Variants in CYLC2 observed in about 807,000 individuals in gnomAD.
The protein encoded by CYLC2 is cylicin 2.
A neutral mutation model predicts 26.1 loss-of-function variants in CYLC2; 30 were observed. The ratio of observed to expected loss-of-function variants is 1.15; its 90% confidence interval spans 0.86 to 1.56. The LOEUF is 1.56. CYLC2 is among the 40% of genes most tolerant of loss of function. CYLC2 has a pLI of 0.00. For synonymous variants in CYLC2, 158 were observed against 132.8 expected (o/e 1.19, Z -1.31); for missense variants, 498 against 394.4 (o/e 1.26, Z -2.23).
intron 6 of CYLC2, among the ~76,000 whole-genome samples, chr9:103,013,930 T>TGATATTATACATTATATATGATAG (rs1829453289): frequency 8.7e-6 from 1 of 115,344 alleles, no homozygotes; most frequent in Non-Finnish European, 1.6e-5. Context: ...ATATATCATA[T>TGATATTATACATTATATATGATAG]CTATTATTTA....
At chr9:103,001,472 A>T (rs1392217885) in intron 1 of CYLC2, 106 bp from the exon 2 acceptor site, 16 of 677,150 alleles carry the variant, frequency 2.4e-5, no homozygotes, top group African/African-American at 5.5e-5. Context: ...GAGATTGTGA[A>T]ATATTTCTCT....
chr9:102,997,545 C>A (rs995223086), intron 1 of CYLC2, among the ~76,000 whole-genome samples: 31 of 151,900 alleles, frequency 2.0e-4, no homozygotes, highest in Admixed American at 1.2e-3. Context: ...GAAGCTCAGG[C>A]TGCAGTCAGT....
chr9:103,005,825 G>A lies in CYLC2; in HGVS notation c.*147G>A, dbSNP rs570803926. Reference sequence around the variant, plus strand: ...AAAGGTGGTAAAGAAGGATACAAAGGAGAACTCAGCAGAGATTTATAAAAA... The same window carrying A: ...AAAGGTGGTAAAGAAGGATACAAAGAAGAACTCAGCAGAGATTTATAAAAA... On this transcript the variant is annotated 3_prime_UTR_variant, in exon 5 of 8. Coordinates refer to ENST00000374798, the MANE Select transcript of CYLC2 (RefSeq NM_001340.5). The A allele has an allele frequency of 5.5e-4, 475 of 864,956 alleles. 1 individual carries two copies. Among genetic ancestry groups the A allele is most frequent in the Non-Finnish European group, 7.9e-4 (440 of 559,332 alleles). The allele number at this position is 864,956 out of a possible 1,614,324, so 53.6% of individuals were successfully genotyped here. A position where few individuals can be genotyped will look rare whatever the true frequency, so the allele number is the denominator to read the frequency against.
intron 3 of CYLC2, 22 bp downstream of exon 3, chr9:103,003,285 T>C (rs1829307482): frequency 1.3e-6 from 2 of 1,583,154 alleles, no homozygotes; most frequent in African/African-American, 1.4e-5. Flanking sequence ...AAAGATTTTA[T>C]AATTATCAGT....
At position 103,015,393 on chromosome 9, in the gene CYLC2, A is replaced by AT. The variant is rs1554713901; in HGVS notation, c.*817-1494dup. On this transcript the variant is annotated intron_variant, in intron 6 of 7. Coordinates refer to ENST00000374798, the MANE Select transcript of CYLC2 (RefSeq NM_001340.5). ...ATAATGTAATATATATTAAATATAT[A>AT]TATATGCTTATTATATATTATATAT... Among the ~76,000 whole-genome samples, 752 of 128,554 alleles carry AT rather than the reference A, an allele frequency of 5.8e-3. 10 individuals are homozygous for AT. The highest frequency in any genetic ancestry group is 0.02 in the African/African-American group (709 of 34,742). 84.3% of individuals were successfully genotyped at this position (128,554 alleles called of 152,430 possible).
chr9:103,016,067 A>G (rs1829501786), intron 6 of CYLC2, among the ~76,000 whole-genome samples: 2 of 151,652 alleles, frequency 1.3e-5, no homozygotes, highest in South Asian at 4.1e-4. Flanking sequence ...AATTATATAT[A>G]CAGATTTAGA....
intron 1 of CYLC2, among the ~76,000 whole-genome samples, chr9:102,997,602 C>T (rs1239182198): frequency 1.3e-5 from 2 of 152,040 alleles, no homozygotes; most frequent in Non-Finnish European, 2.9e-5. Context: ...CTTTTCCCTG[C>T]AGCTGATGCA....
chr9:103,006,386 AGTTTT>A lies in CYLC2; in HGVS notation c.*700+18_*700+22del, dbSNP rs2118243481. 1 of 147,072 alleles carries A rather than the reference AGTTTT, an allele frequency of 6.8e-6. No individual in the cohort carries two copies. Among genetic ancestry groups the A allele is most frequent in the East Asian group, 2.3e-4 (1 of 4,380 alleles). The allele number at this position is 147,072 out of a possible 1,614,324, so 9.1% of individuals were successfully genotyped here. On this transcript the variant is annotated intron_variant, in intron 5 of 7. Transcript: ENST00000374798. Reference sequence around the variant, plus strand: ...CCAAAAGAAGCACACTTGGTAAGTCAGTTTTGTTTTGTTTACTTATTTATTTATTT... The same window carrying A: ...CCAAAAGAAGCACACTTGGTAAGTCAGTTTTGTTTACTTATTTATTTATTT...
At position 103,005,664 on chromosome 9, in the gene CYLC2, A is replaced by G; in HGVS notation, c.1033A>G (p.Lys345Glu). The change falls in exon 5 of 8, where the codon AAG becomes GAG. Residue 345 changes from lysine to glutamate, a missense_variant. Lys to Glu is a moderately conservative substitution (Grantham distance 56, BLOSUM62 1). Transcript: ENST00000374798. ...GAAGGATGAAAAGAAGGATGCAAAGAAGAAGGGCAAGTAGGCCTTGGATAA... is the reference window on the plus strand; with the variant it reads ...GAAGGATGAAAAGAAGGATGCAAAGGAGAAGGGCAAGTAGGCCTTGGATAA... The part of the protein sequence containing the change: ...AKKDEKKDAK[K>E]KGK The G allele has an allele frequency of 1.2e-6, 2 of 1,609,312 alleles. No homozygotes were observed. Among genetic ancestry groups the G allele is most frequent in the Non-Finnish European group, 1.7e-6 (2 of 1,178,444 alleles).
At chr9:103,009,225 C>A (rs1829381258) in intron 5 of CYLC2, among the ~76,000 whole-genome samples, 1 of 152,008 alleles carries the variant, frequency 6.6e-6, no homozygotes, top group African/African-American at 2.4e-5. Context: ...TATTTTTTGA[C>A]ACAGTGTCTC....
At position 103,014,864 on chromosome 9, in the gene CYLC2, ATATGTAATATACTATGTATAT is replaced by A. The variant is rs923272359; in HGVS notation, c.*817-2011_*817-1991del. ...ATGTATATTATGCAATATACATAAT[ATATGTAATATACTATGTATAT>A]TATGTAATATACATAATATATGTAA... On this transcript the variant is annotated intron_variant, in intron 6 of 7. Coordinates refer to ENST00000374798, the MANE Select transcript of CYLC2 (RefSeq NM_001340.5). Among the ~76,000 whole-genome samples, 187 of 129,320 alleles carry A rather than the reference ATATGTAATATACTATGTATAT, an allele frequency of 1.4e-3. 1 individual carries two copies. The highest frequency in any genetic ancestry group is 5.0e-3 in the African/African-American group (165 of 33,218). The allele number at this position is 129,320 out of a possible 152,430, so 84.8% of individuals were successfully genotyped here. A position where few individuals can be genotyped will look rare whatever the true frequency, so the allele number is the denominator to read the frequency against.
At chr9:103,017,605 C>T (rs947196645) in intron 7 of CYLC2, among the ~76,000 whole-genome samples, 1 of 151,948 alleles carries the variant, frequency 6.6e-6, no homozygotes, top group African/African-American at 2.4e-5. Context: ...ATCTATTTTC[C>T]TAAACCCAGG....
At position 103,005,368 on chromosome 9, in the gene CYLC2, A is replaced by T. The variant is rs758093391; in HGVS notation, c.737A>T (p.Asp246Val). ...AVKADEKKDE[D>V]GKKDANKGDE... ...AAAGCAGATGAAAAGAAGGATGAGGATGGAAAAAAAGATGCAAACAAAGGT... is the reference window on the plus strand; with the variant it reads ...AAAGCAGATGAAAAGAAGGATGAGGTTGGAAAAAAAGATGCAAACAAAGGT... The change falls in exon 5 of 8, where the codon GAT becomes GTT. Residue 246 changes from aspartate (D) to valine (V), a missense_variant. Physicochemically the swap from Asp to Val is radical, Grantham distance 152 (BLOSUM62 -3). Transcript: ENST00000374798. The T allele has an allele frequency of 6.2e-7, 1 of 1,613,994 alleles. No individual in the cohort carries two copies. Among genetic ancestry groups the T allele is most frequent in the Non-Finnish European group, 8.5e-7 (1 of 1,179,984 alleles).
At chr9:103,014,151 TTAATA>T (rs1319889254) in intron 6 of CYLC2, among the ~76,000 whole-genome samples, 5 of 120,038 alleles carry the variant, frequency 4.2e-5, no homozygotes, top group African/African-American at 1.7e-4. Flanking sequence ...AATATATTAT[TTAATA>T]TATAATATGA....
intron 1 of CYLC2, among the ~76,000 whole-genome samples, chr9:102,997,585 T>C (rs555868999): frequency 2.0e-5 from 3 of 151,972 alleles, no homozygotes. Flanking sequence ...ATGTCTTTTA[T>C]GGTCTTCTTT....
chr9:103,013,122 A>T (rs796992988), intron 6 of CYLC2, among the ~76,000 whole-genome samples: 8 of 85,338 alleles, frequency 9.4e-5, no homozygotes, highest in African/African-American at 1.6e-4. Flanking sequence ...AAATAATATA[A>T]AAATATATAT....
At chr9:103,014,228 AAT>A (rs1033949147) in intron 6 of CYLC2, among the ~76,000 whole-genome samples, 13 of 125,782 alleles carry the variant, frequency 1.0e-4, no homozygotes, top group African/African-American at 1.8e-4. Flanking sequence ...TATAATATAT[AAT>A]ATATATGTAT....
chr9:103,004,339 C>T (rs1829317289), intron 3 of CYLC2, among the ~76,000 whole-genome samples: 1 of 151,862 alleles, frequency 6.6e-6, no homozygotes, highest in South Asian at 2.1e-4. Context: ...TCTGATTTAC[C>T]TAGAAATAGA....
At chr9:103,009,145 T>C (rs1440681984) in intron 5 of CYLC2, among the ~76,000 whole-genome samples, 1 of 152,170 alleles carries the variant, frequency 6.6e-6, no homozygotes, top group Non-Finnish European at 1.5e-5. Context: ...AACATCACAC[T>C]GTTGACTCCT....
Sources: allele counts gnomAD v4.1 joint callset (sites outside exome capture counted in the v4.1 genomes callset), GRCh38; gene constraint gnomAD v4.1.1; transcripts MANE v1.5; gene names NCBI Gene and HGNC (gene_info 2026-07-23, HGNC 2026-07-21).